PRKN: variants seen among roughly 807,000 people sequenced by gnomAD.
PRKN encodes the protein parkin RBR E3 ubiquitin protein ligase.
A neutral mutation model predicts 59.5 loss-of-function variants in PRKN; 56 were observed. That is an observed-to-expected ratio of 0.94 (90% CI 0.76 to 1.18). The LOEUF is 1.18. Ranked by LOEUF, PRKN falls within the 50% of genes most tolerant of loss-of-function variation. The pLI is 0.00. For synonymous variants in PRKN, 250 were observed against 222.1 expected (o/e 1.13, Z -1.12); for missense variants, 657 against 596.4 (o/e 1.10, Z -1.06).
chr6:162,307,118 G>A lies in PRKN; in HGVS notation c.172-44353C>T, dbSNP rs78383462. Among the ~76,000 whole-genome samples the A allele has an allele frequency of 7.2e-5, 11 of 152,242 alleles. No homozygotes were observed. In the East Asian group the frequency reaches 1.2e-3, roughly 16 times the overall value. On this transcript the variant is annotated intron_variant, in intron 2 of 11. Coordinates refer to ENST00000366898, the MANE Select transcript of PRKN (RefSeq NM_004562.3). ...AACAGCAACAACAAAACCAGCTAGC[G>A]GGATGGTGTGGTGGCTTGTGCCTGT...
intron 6 of PRKN, among the ~76,000 whole-genome samples, chr6:161,938,262 G>A (rs1288051137): frequency 6.6e-6 from 1 of 152,114 alleles, no homozygotes; most frequent in Non-Finnish European, 1.5e-5. Flanking sequence ...GTAAAATCCT[G>A]GCACATTAGA....
At chr6:161,673,356 A>C (rs2128169733) in intron 7 of PRKN, among the ~76,000 whole-genome samples, 1 of 152,282 alleles carries the variant, frequency 6.6e-6, no homozygotes, top group East Asian at 1.9e-4. Context: ...CAGAGACCTA[A>C]ATGAAGTCAG....
chr6:162,010,851 T>TATATTATATAATGTA (rs1220759157), intron 5 of PRKN, among the ~76,000 whole-genome samples: 1 of 7,830 alleles, frequency 1.3e-4, no homozygotes, highest in East Asian at 0.011. Context: ...ATACATAATA[T>TATATTATATAATGTA]TAATATATAT....
chr6:162,057,050 C>T (rs537837556), intron 4 of PRKN, among the ~76,000 whole-genome samples: 1 of 152,106 alleles, frequency 6.6e-6, no homozygotes, highest in African/African-American at 2.4e-5. Context: ...TGGTGAATCA[C>T]TGAATCTGGA....
In PRKN at chr6:161,350,171, C is replaced by G. The variant is rs1166635083; in HGVS notation, c.1326G>C (p.Arg442Ser). Residue 442 changes from arginine (R) to serine (S), a missense_variant, in exon 12 of 12, where the codon AGG becomes AGC. Arg to Ser is a moderately radical substitution (Grantham distance 110). Coordinates refer to ENST00000366898, the MANE Select transcript of PRKN (RefSeq NM_004562.3). The part of the protein sequence containing the change: ...MHMKCPQPQC[R>S]LEWCWNCGCE... ...AGCCACAGTTCCAGCACCACTCGAGCCTGCACTGGGGCTGCGGACACTTCA... is the reference window on the plus strand; with the variant it reads ...AGCCACAGTTCCAGCACCACTCGAGGCTGCACTGGGGCTGCGGACACTTCA... 1.5e-5 allele frequency: 25 copies of G among 1,613,404 alleles called. No homozygotes were observed. Among genetic ancestry groups the G allele is most frequent in the Non-Finnish European group, 2.0e-5 (24 of 1,179,952 alleles).
intron 7 of PRKN, among the ~76,000 whole-genome samples, chr6:161,767,766 TG>T (rs1365845131): frequency 6.3e-5 from 3 of 47,532 alleles, no homozygotes; most frequent in Admixed American, 2.4e-4. Flanking sequence ...TGGCTGGGGG[TG>T]GGGGGCTGGG....
At chr6:161,368,877 A>T (rs1006304201) in intron 10 of PRKN, among the ~76,000 whole-genome samples, 1 of 152,054 alleles carries the variant, frequency 6.6e-6, no homozygotes, top group Non-Finnish European at 1.5e-5. Flanking sequence ...TGCACCTAAC[A>T]TGTGGGAAAG....
chr6:161,910,075 G>A (rs1778298997), intron 6 of PRKN, among the ~76,000 whole-genome samples: 1 of 152,168 alleles, frequency 6.6e-6, no homozygotes, highest in South Asian at 2.1e-4. Flanking sequence ...AGTGGAGGAA[G>A]TAACTGGAAC....
chr6:162,459,910 C>G (rs1024365402), intron 1 of PRKN, among the ~76,000 whole-genome samples: 1 of 152,182 alleles, frequency 6.6e-6, no homozygotes, highest in African/African-American at 2.4e-5. Flanking sequence ...TCACACACTG[C>G]AGGTGGGAAT....
intron 1 of PRKN, among the ~76,000 whole-genome samples, chr6:162,472,361 C>A (rs1380849275): frequency 7.3e-6 from 1 of 136,444 alleles, no homozygotes; most frequent in African/African-American, 2.7e-5. Flanking sequence ...CCCCACCCCC[C>A]ACCCCAAGAC....
In PRKN at chr6:162,472,468, T is replaced by TATATATATATATATATATATATATATATC. The variant is rs1385821060; in HGVS notation, c.8-28996_8-28995insGATATATATATATATATATATATATATAT. ...AGTCCAAACTCTAACTTTTATTTTA[T>TATATATATATATATATATATATATATATC]TTTATTTTATTTTATTTTATTTTAT... On this transcript the variant is annotated intron_variant, in intron 1 of 11. Coordinates refer to ENST00000366898, the MANE Select transcript of PRKN (RefSeq NM_004562.3). Among the ~76,000 whole-genome samples, 11 of 104,468 alleles carry TATATATATATATATATATATATATATATC rather than the reference T, an allele frequency of 1.1e-4. 1 individual carries two copies. The highest frequency in any genetic ancestry group is 5.9e-4 in the African/African-American group (10 of 17,066). The allele number at this position is 104,468 out of a possible 152,430, so 68.5% of individuals were successfully genotyped here.
intron 7 of PRKN, among the ~76,000 whole-genome samples, chr6:161,609,512 T>C (rs1241927094): frequency 2.0e-5 from 3 of 152,184 alleles, no homozygotes; most frequent in Admixed American, 6.5e-5. Flanking sequence ...TTTACAGATA[T>C]TTAACACTAA....
chr6:162,616,255 A>T (rs1185570136), intron 1 of PRKN, among the ~76,000 whole-genome samples: 1 of 152,044 alleles, frequency 6.6e-6, no homozygotes. Context: ...TAGAGTATTT[A>T]TTTGCTTGAT....
intron 5 of PRKN, among the ~76,000 whole-genome samples, chr6:161,989,388 C>T (rs963936313): frequency 2.6e-5 from 4 of 151,950 alleles, no homozygotes; most frequent in Admixed American, 1.3e-4. Flanking sequence ...CCCACCAGTG[C>T]GTGGATATAC....
intron 3 of PRKN, among the ~76,000 whole-genome samples, chr6:162,232,064 C>T (rs1439711619): frequency 6.6e-6 from 1 of 152,108 alleles, no homozygotes. Flanking sequence ...CCTTGGAAAG[C>T]CAATTTCTAA....
In PRKN at chr6:162,339,243, T is replaced by G. The variant is rs1237513085; in HGVS notation, c.172-76478A>C. ...GCCACCCCGTCCGGGAGGGAGGTGG[T>G]GGGGGTCAGCCCCCCGCCCGGCCAG... is the stretch of plus-strand genomic sequence containing the variant. On this transcript the variant is annotated intron_variant, in intron 2 of 11. Transcript: ENST00000366898. Among the ~76,000 whole-genome samples, 791 of 85,660 alleles carry G rather than the reference T, an allele frequency of 9.2e-3. 1 individual carries two copies. The highest frequency in any genetic ancestry group is 0.013 in the Non-Finnish European group (551 of 41,384). The allele number at this position is 85,660 out of a possible 152,430, so 56.2% of individuals were successfully genotyped here.
chr6:161,891,122 G>A (rs377534634), intron 6 of PRKN, among the ~76,000 whole-genome samples: 1 of 152,180 alleles, frequency 6.6e-6, no homozygotes, highest in African/African-American at 2.4e-5. Context: ...GCTACCAGGA[G>A]AGTTTTATGG....
intron 1 of PRKN, among the ~76,000 whole-genome samples, chr6:162,545,973 C>T (rs180900193): frequency 5.9e-5 from 9 of 152,160 alleles, no homozygotes; most frequent in Admixed American, 5.9e-4. Flanking sequence ...TAAGAGTCTA[C>T]ACTGTTCATT....
At chr6:161,736,120 G>A (rs1787954818) in intron 7 of PRKN, among the ~76,000 whole-genome samples, 1 of 152,064 alleles carries the variant, frequency 6.6e-6, no homozygotes. Context: ...TCATTCATTT[G>A]CTGTTCACTG....
Sources: allele counts gnomAD v4.1 joint callset (sites outside exome capture counted in the v4.1 genomes callset), GRCh38; gene constraint gnomAD v4.1.1; transcripts MANE v1.5; gene names NCBI Gene and HGNC (gene_info 2026-07-23, HGNC 2026-07-21).